Variants in PACS2 observed in about 807,000 individuals in gnomAD.
The protein encoded by PACS2 is phosphofurin acidic cluster sorting protein 2, also known as PACS1-like protein.
PACS2 carries 36 observed loss-of-function variants against 113.0 expected under a neutral mutation model. The ratio of observed to expected loss-of-function variants is 0.32; its 90% CI spans 0.24 to 0.42. The LOEUF (loss-of-function observed/expected upper bound fraction) is 0.42, where lower values mean the gene tolerates loss of function less well. Ranked by LOEUF, PACS2 falls within the 10% of genes least tolerant of loss-of-function variation. PACS2 has a pLI of 1.00. For synonymous variants in PACS2, 589 were observed against 536.1 expected (o/e 1.10, Z -1.36); for missense variants, 1,015 against 1,239.5 (o/e 0.82, Z 2.72).
At chr14:105,351,936 T>C (rs987156721) in intron 2 of PACS2, among the ~76,000 whole-genome samples, 1 of 152,234 alleles carries the variant, frequency 6.6e-6, no homozygotes. Context: ...GGCAGGAGGA[T>C]TGCTTGAGCC....
chr14:105,352,257 C>T, intron 2 of PACS2, 121 bp from the exon 3 acceptor site: 2 of 695,474 alleles, frequency 2.9e-6, no homozygotes, highest in Non-Finnish European at 2.6e-6. Context: ...CTGTGCCTAC[C>T]ACCCCCAGAC....
chr14:105,349,534 G>A (rs1035929537), intron 2 of PACS2, among the ~76,000 whole-genome samples: 1 of 152,232 alleles, frequency 6.6e-6, no homozygotes, highest in Non-Finnish European at 1.5e-5. Context: ...GGGTCTCCCC[G>A]ACCTGCAGAG....
chr14:105,309,714 C>T (rs957452710), upstream of PACS2, among the ~76,000 whole-genome samples: 2 of 150,396 alleles, frequency 1.3e-5, no homozygotes, highest in African/African-American at 2.4e-5. This position sits in a 1 kb window ranked among gnomAD's most constrained non-coding sequence, Gnocchi z 4.0. Context: ...GATGTCATCA[C>T]GACCTTAGGT....
chr14:105,309,776 C>CTTT (rs928875653), upstream of PACS2, among the ~76,000 whole-genome samples: 43 of 89,234 alleles, frequency 4.8e-4, 1 homozygote, highest in African/African-American at 1.8e-3. This position sits in a 1 kb window ranked among gnomAD's most constrained non-coding sequence, Gnocchi z 4.0. Context: ...TGATGTGTGT[C>CTTT]TTTTTTTTTT....
At chr14:105,362,785 A>G (rs2060779553) in intron 4 of PACS2, among the ~76,000 whole-genome samples, 1 of 152,114 alleles carries the variant, frequency 6.6e-6, no homozygotes, top group Non-Finnish European at 1.5e-5. Flanking sequence ...TGGGAGGCAG[A>G]GGTTGTAGTG....
rs1363549252 is a variant in PACS2 at position 105,323,121 on chromosome 14, T to C, written c.119+8084T>C. Among the ~76,000 whole-genome samples, 3 of 152,180 alleles carry C rather than the reference T, an allele frequency of 2.0e-5. No individual in the cohort carries two copies. Among genetic ancestry groups the C allele is most frequent in the African/African-American group, 7.2e-5 (3 of 41,428 alleles). On this transcript the variant is annotated intron_variant, in intron 1 of 24. Transcript: ENST00000447393. This position sits in a 1 kb window ranked among gnomAD's most constrained non-coding sequence, Gnocchi z 4.1. ...ACGGTCGTCTCATGGTGGGTCCTGGTGTGGGTTCTCTTGTGATTGCCTGAG... is the reference window on the plus strand; with the variant it reads ...ACGGTCGTCTCATGGTGGGTCCTGGCGTGGGTTCTCTTGTGATTGCCTGAG...
chr14:105,333,812 C>T (rs587681693), intron 1 of PACS2, among the ~76,000 whole-genome samples: 1 of 152,214 alleles, frequency 6.6e-6, no homozygotes, highest in Admixed American at 6.5e-5. Context: ...GCAGGGCTGC[C>T]CAGGACAGGG....
At chr14:105,380,857 A>AG in intron 11 of PACS2, 100 bp from the exon 12 acceptor site, 1 of 1,178,098 alleles carries the variant, frequency 8.5e-7, no homozygotes, top group Non-Finnish European at 1.2e-6. Flanking sequence ...CGGCCTAGAG[A>AG]GGCCTAAACC....
chr14:105,339,343 C>T (rs2059638478), intron 1 of PACS2, among the ~76,000 whole-genome samples: 1 of 151,582 alleles, frequency 6.6e-6, no homozygotes, highest in South Asian at 2.1e-4. Context: ...CCCATCTCTA[C>T]TGAAAATACA....
chr14:105,345,332 A>G (rs1357727584), intron 1 of PACS2, among the ~76,000 whole-genome samples: 1 of 151,868 alleles, frequency 6.6e-6, no homozygotes, highest in Non-Finnish European at 1.5e-5. Context: ...GCGTGAACCC[A>G]GGAGGCGGAG....
chr14:105,391,152 C>T (rs782505756), intron 20 of PACS2, 55 bp from the exon 21 acceptor site: 11 of 1,432,472 alleles, frequency 7.7e-6, no homozygotes, highest in South Asian at 4.6e-5. Context: ...ACTGGGAGGG[C>T]GCTGGGCTAG....
At chr14:105,328,565 C>T (rs1459215170) in intron 1 of PACS2, among the ~76,000 whole-genome samples, 5 of 152,206 alleles carry the variant, frequency 3.3e-5, no homozygotes, top group Admixed American at 6.5e-5. Context: ...ATCCTTGAAG[C>T]TGGAATATTC....
rs979856017 is a variant in PACS2, at chr14:105,329,748, G to A, written c.119+14711G>A. On this transcript the variant is annotated intron_variant, in intron 1 of 24. Coordinates refer to ENST00000447393, the MANE Select transcript of PACS2 (RefSeq NM_001100913.3). This position sits in a 1 kb window ranked among gnomAD's most constrained non-coding sequence, Gnocchi z 6.4. ...GCAGGGCTCTAGTGTATCAGCTCCC[G>A]GACTGCAGGCAGCAGCAAACTCTGC... Among the ~76,000 whole-genome samples the A allele has an allele frequency of 6.6e-5, 10 of 152,176 alleles. No homozygotes were observed. The highest frequency in any genetic ancestry group is 6.2e-4 in the South Asian group (3 of 4,816).
chr14:105,393,659 A>G (rs140796660), intron 24 of PACS2: 6,734 of 220,032 alleles, frequency 0.031, 528 homozygotes, highest in African/African-American at 0.15. Flanking sequence ...GTGTGATCTC[A>G]GCTCACTGCA....
At chr14:105,380,754 A>C (rs1566960108) in intron 11 of PACS2, among the ~76,000 whole-genome samples, 1 of 152,164 alleles carries the variant, frequency 6.6e-6, no homozygotes, top group East Asian at 1.9e-4. Flanking sequence ...GGGGCTGGTC[A>C]CCCTGCATGG....
chr14:105,364,405 T>G (rs1449496052), intron 4 of PACS2, among the ~76,000 whole-genome samples: 1,020 of 93,048 alleles, frequency 0.011, 32 homozygotes, highest in African/African-American at 0.049. Flanking sequence ...GTGTCCCGGG[T>G]GCGCGGTGGG....
chr14:105,391,437 C>A, intron 21 of PACS2, 188 bp downstream of exon 21: 2 of 665,328 alleles, frequency 3.0e-6, no homozygotes, highest in South Asian at 1.9e-5. Flanking sequence ...AGCCCCACAT[C>A]AAGGCTGGCA....
intron 9 of PACS2, 54 bp from the exon 10 acceptor site, chr14:105,379,683 AGT>A: frequency 7.1e-7 from 1 of 1,408,842 alleles, no homozygotes; most frequent in Non-Finnish European, 1.0e-6. Context: ...CTGCGCTTTC[AGT>A]GCAAGAAGGG....
intron 1 of PACS2, among the ~76,000 whole-genome samples, chr14:105,341,817 C>T (rs2059736159): frequency 6.6e-6 from 1 of 152,192 alleles, no homozygotes; most frequent in Non-Finnish European, 1.5e-5. Flanking sequence ...CAGAGACAGG[C>T]CTGAGAGGGG....
Sources: allele counts gnomAD v4.1 joint callset (sites outside exome capture counted in the v4.1 genomes callset), GRCh38; gene constraint gnomAD v4.1.1; non-coding constraint Gnocchi (gnomAD v3.1); transcripts MANE v1.5; gene names NCBI Gene and HGNC (gene_info 2026-07-23, HGNC 2026-07-21).